The following DTNA variants were observed in gnomAD, a reference collection of about 807,000 sequenced individuals.
The protein encoded by DTNA is dystrophin-related protein 3.
Under a neutral mutation model 100.7 loss-of-function variants are expected in DTNA, and 43 were observed. The observed-to-expected ratio is 0.43, with a 90% CI of 0.33 to 0.55. DTNA has a LOEUF of 0.55. DTNA is among the 20% of genes least tolerant of loss of function. DTNA has a pLI of 0.04. For synonymous variants in DTNA, 349 were observed against 347.9 expected (o/e 1.00, Z -0.04); for missense variants, 798 against 953.9 (o/e 0.84, Z 2.15).
chr18:34,756,685 A>G (rs1443239250), intron 2 of DTNA, among the ~76,000 whole-genome samples: 1 of 152,228 alleles, frequency 6.6e-6, no homozygotes, highest in Admixed American at 6.5e-5. Flanking sequence ...TGAAGAATCT[A>G]TTCAATAAAG....
chr18:34,695,228 C>T (rs886075526), intron 1 of DTNA, among the ~76,000 whole-genome samples: 3 of 152,130 alleles, frequency 2.0e-5, no homozygotes, highest in African/African-American at 4.8e-5. Flanking sequence ...ATAATTACAC[C>T]TTTGAGATTT....
chr18:34,746,240 A>G (rs2091561923), intron 1 of DTNA, among the ~76,000 whole-genome samples: 1 of 151,958 alleles, frequency 6.6e-6, no homozygotes, highest in South Asian at 2.1e-4. Flanking sequence ...CTAATCCTGC[A>G]GATTATTTGT....
At chr18:34,754,871 G>T (rs923116902) in intron 1 of DTNA, among the ~76,000 whole-genome samples, 7 of 152,180 alleles carry the variant, frequency 4.6e-5, no homozygotes, top group African/African-American at 1.7e-4. Context: ...AGTTGGGGAA[G>T]ATTTCAGAGG....
chr18:34,847,520 T>C lies in DTNA; in HGVS notation c.1347-776T>C, dbSNP rs75318523. 4.4e-3 allele frequency among the ~76,000 whole-genome samples: 665 copies of C among 152,292 alleles called. 5 individuals carry two copies. Among genetic ancestry groups the C allele is most frequent in the African/African-American group, 0.016 (647 of 41,570 alleles). The stretch of plus-strand genomic sequence containing the variant: ...CAGGTTTGGCTTAGCTAAGTCCCTC[T>C]GGTTCAAGGCTTCTGTGAGGTTGCA... On this transcript the variant is annotated intron_variant, in intron 13 of 22. Transcript: ENST00000444659.
At chr18:34,666,829 G>T (rs1335757076) in intron 1 of DTNA, among the ~76,000 whole-genome samples, 1 of 152,134 alleles carries the variant, frequency 6.6e-6, no homozygotes, top group Admixed American at 6.5e-5. Context: ...CTGTAGCCTT[G>T]TGGTATAGTG....
chr18:34,588,309 CT>C (rs1373959259), intron 1 of DTNA, among the ~76,000 whole-genome samples: 3 of 152,152 alleles, frequency 2.0e-5, no homozygotes, highest in Non-Finnish European at 4.4e-5. Context: ...CCCTAAACCT[CT>C]TTTTGAGATC....
chr18:34,596,140 TCTC>T (rs1297709629), intron 1 of DTNA, among the ~76,000 whole-genome samples: 2 of 152,218 alleles, frequency 1.3e-5, no homozygotes, highest in African/African-American at 4.8e-5. Context: ...TTTCTGATCT[TCTC>T]CTAAGTTTTC....
At chr18:34,870,396 A>G (rs921881455) in intron 17 of DTNA, among the ~76,000 whole-genome samples, 2 of 152,080 alleles carry the variant, frequency 1.3e-5, no homozygotes, top group Non-Finnish European at 2.9e-5. Flanking sequence ...TTCCTAGCTC[A>G]TCCTCTCTGG....
At chr18:34,724,359 C>A (rs995164) in intron 1 of DTNA, among the ~76,000 whole-genome samples, 16,682 of 152,094 alleles carry the variant, frequency 0.11, 1,293 homozygotes, top group African/African-American at 0.21. Flanking sequence ...GCTACTAAAG[C>A]GGTGTTTACT....
chr18:34,800,672 A>G (rs2095172825), intron 4 of DTNA, among the ~76,000 whole-genome samples: 1 of 152,236 alleles, frequency 6.6e-6, no homozygotes, highest in African/African-American at 2.4e-5. Flanking sequence ...ACTCTTAAAT[A>G]GAGAAATAAT....
chr18:34,506,782 G>A (rs2040534676), intron 1 of DTNA, among the ~76,000 whole-genome samples: 2 of 152,064 alleles, frequency 1.3e-5, no homozygotes, highest in South Asian at 2.1e-4. Context: ...TAGCTGATTT[G>A]TCTTCTCTTC....
At chr18:34,679,066 A>G (rs2077740147) in intron 1 of DTNA, among the ~76,000 whole-genome samples, 1 of 152,176 alleles carries the variant, frequency 6.6e-6, no homozygotes, top group Admixed American at 6.5e-5. Flanking sequence ...AAATTATGTC[A>G]ATAAAATATC....
intron 11 of DTNA, among the ~76,000 whole-genome samples, chr18:34,834,800 C>T (rs1448949801): frequency 6.6e-6 from 1 of 152,142 alleles, no homozygotes; most frequent in Non-Finnish European, 1.5e-5. Context: ...CAAACACCTC[C>T]CATTAGGACC....
At chr18:34,854,673 T>G (rs984567736) in intron 15 of DTNA, among the ~76,000 whole-genome samples, 1 of 152,216 alleles carries the variant, frequency 6.6e-6, no homozygotes, top group African/African-American at 2.4e-5. Context: ...CCATAATCCC[T>G]TCTCCATCCC....
At chr18:34,818,095 G>T in intron 7 of DTNA, 69 bp from the exon 8 acceptor site, 1 of 1,612,224 alleles carries the variant, frequency 6.2e-7, no homozygotes, top group Non-Finnish European at 8.5e-7. Flanking sequence ...TTCCTGTAAG[G>T]CTGTATTTTT....
chr18:34,681,975 G>T (rs1355180015), intron 1 of DTNA, among the ~76,000 whole-genome samples: 4 of 151,876 alleles, frequency 2.6e-5, no homozygotes, highest in African/African-American at 9.7e-5. Context: ...TCCCTCCCCT[G>T]CACCTCACCC....
chr18:34,706,060 G>A (rs997679642), upstream of DTNA, among the ~76,000 whole-genome samples: 1 of 152,132 alleles, frequency 6.6e-6, no homozygotes, highest in Non-Finnish European at 1.5e-5. Flanking sequence ...CGATTCTCCT[G>A]CCTCAGCCTT....
chr18:34,863,243 T>C (rs1025013829), intron 16 of DTNA, among the ~76,000 whole-genome samples: 8 of 152,246 alleles, frequency 5.3e-5, no homozygotes, highest in East Asian at 1.9e-4. Flanking sequence ...TACCTCTTAG[T>C]GTCAACATAA....
At chr18:34,556,177 A>G (rs2046021169) in intron 1 of DTNA, among the ~76,000 whole-genome samples, 1 of 151,506 alleles carries the variant, frequency 6.6e-6, no homozygotes, top group Middle Eastern at 3.4e-3. Context: ...GTTTTATCAG[A>G]GACTAGGATT....
Sources: allele counts gnomAD v4.1 joint callset (sites outside exome capture counted in the v4.1 genomes callset), GRCh38; gene constraint gnomAD v4.1.1; transcripts MANE v1.5; gene names NCBI Gene and HGNC (gene_info 2026-07-23, HGNC 2026-07-21).